MDH1B: variants seen among roughly 807,000 people sequenced by gnomAD.
MDH1B encodes the protein malate dehydrogenase 1B, also known as putative malate dehydrogenase 1B.
MDH1B carries 60 observed loss-of-function variants against 61.4 expected under a neutral mutation model. The observed-to-expected ratio is 0.98, with a 90% CI of 0.79 to 1.21. MDH1B has a LOEUF of 1.21. Ranked by LOEUF, MDH1B falls within the 50% of genes most tolerant of loss-of-function variation. The pLI is 0.00. For missense variants in MDH1B, 587 were observed against 632.1 expected (o/e 0.93, Z 0.76); for synonymous variants, 236 against 218.7 (o/e 1.08, Z -0.70).
intron 9 of MDH1B, chr2:206,741,415 T>G (rs1470555858): frequency 2.7e-6 from 1 of 369,512 alleles, no homozygotes; most frequent in Non-Finnish European, 5.2e-6. Flanking sequence ...AATTAACATT[T>G]GAGTCAGTGG....
Position 206,755,113 on chromosome 2 carries a change from A to G in MDH1B, c.806T>C (p.Met269Thr), listed in dbSNP as rs115158456. The change falls in exon 5 of 12, where the codon ATG becomes ACG. Residue 269 changes from methionine to threonine, a missense_variant. Met to Thr is a moderately conservative substitution (Grantham distance 81). Coordinates refer to ENST00000374412, the MANE Select transcript of MDH1B (RefSeq NM_001039845.3). Reference sequence around the variant, plus strand: ...GTGTGCAATGCGTGGGGCATATCTCATGAGTAAAACTGTCTTCAGGTTTAC... The same window carrying G: ...GTGTGCAATGCGTGGGGCATATCTCGTGAGTAAAACTGTCTTCAGGTTTAC... Reference protein sequence around the residue: ...TFVNLKTVLLMRYAPRIAHNI... With the variant: ...TFVNLKTVLLTRYAPRIAHNI... 1.0e-4 allele frequency: 161 copies of G among 1,613,872 alleles called. No individual in the cohort carries two copies. In the African/African-American group the frequency reaches 1.3e-3, roughly 13 times the overall value.
chr2:206,756,784 C>A, intron 4 of MDH1B, 114 bp downstream of exon 4: 2 of 1,168,326 alleles, frequency 1.7e-6, no homozygotes, highest in Middle Eastern at 2.0e-4. Context: ...TACATACACA[C>A]AAATTTCAAA....
intron 1 of MDH1B, among the ~76,000 whole-genome samples, chr2:206,761,778 T>C (rs1574652272): frequency 6.6e-6 from 1 of 152,062 alleles, no homozygotes; most frequent in East Asian, 1.9e-4. Flanking sequence ...TGGGGAAAAA[T>C]GCAGAGCCCT....
At chr2:206,757,658 A>T (rs1688839845) in intron 2 of MDH1B, among the ~76,000 whole-genome samples, 1 of 152,220 alleles carries the variant, frequency 6.6e-6, no homozygotes, top group African/African-American at 2.4e-5. Context: ...TTTAGCTTAA[A>T]GAGAGGTCAC....
At chr2:206,742,891 AT>A (rs1687893719) in intron 9 of MDH1B, among the ~76,000 whole-genome samples, 1 of 151,470 alleles carries the variant, frequency 6.6e-6, no homozygotes, top group African/African-American at 2.4e-5. Context: ...TTGTTTTTGT[AT>A]TTTTAGTAGA....
intron 5 of MDH1B, among the ~76,000 whole-genome samples, chr2:206,752,711 C>T (rs2105936998): frequency 6.6e-6 from 1 of 151,994 alleles, no homozygotes; most frequent in East Asian, 1.9e-4. Flanking sequence ...CCCTTGATAG[C>T]TCTAAACATC....
Position 206,761,025 on chromosome 2 carries a change from C to A in MDH1B, c.23-12G>T. ...ACAATCTGCTCTACCTAAAAGAGTTCAAATTAGCAATGTTTTCTTTCATCA... is the reference window on the plus strand; with the variant it reads ...ACAATCTGCTCTACCTAAAAGAGTTAAAATTAGCAATGTTTTCTTTCATCA... On this transcript the variant is annotated splice_polypyrimidine_tract_variant and intron_variant, in intron 1 of 11. Transcript: ENST00000374412. 10 of 1,387,510 alleles carry A rather than the reference C, an allele frequency of 7.2e-6. No homozygotes were observed. The highest frequency in any genetic ancestry group is 1.0e-5 in the Non-Finnish European group (10 of 987,016). The allele number at this position is 1,387,510 out of a possible 1,614,324, so 85.9% of individuals were successfully genotyped here.
At position 206,748,160 on chromosome 2, in the gene MDH1B, C is replaced by T. The variant is rs960008850; in HGVS notation, c.1216+860G>A. Among the ~76,000 whole-genome samples, 28 of 152,316 alleles carry T rather than the reference C, an allele frequency of 1.8e-4. No homozygotes were observed. The South Asian group carries it at 3.1e-3, about 17-fold the overall frequency. ...CTTTGGGAGGCCAAGGCAGGTAGATCACAAGGTCAGGAGATCGAGACCATT... is the reference window on the plus strand; with the variant it reads ...CTTTGGGAGGCCAAGGCAGGTAGATTACAAGGTCAGGAGATCGAGACCATT... On this transcript the variant is annotated intron_variant, in intron 7 of 11. Transcript: ENST00000374412.
intron 7 of MDH1B, among the ~76,000 whole-genome samples, chr2:206,747,825 TATAAC>T (rs72339164): frequency 0.12 from 18,668 of 152,104 alleles, 1,659 homozygotes; most frequent in African/African-American, 0.26. Flanking sequence ...TGGTTCTACT[TATAAC>T]ATAAAGAATA....
chr2:206,746,119 A>G (rs1574626674), intron 8 of MDH1B, among the ~76,000 whole-genome samples, 168 bp downstream of exon 8: 1 of 152,202 alleles, frequency 6.6e-6, no homozygotes, highest in Admixed American at 6.5e-5. Context: ...GTATAACTAA[A>G]TGAGTAGTGT....
At chr2:206,743,432 C>T (rs1043081778) in intron 9 of MDH1B, among the ~76,000 whole-genome samples, 5 of 152,272 alleles carry the variant, frequency 3.3e-5, no homozygotes, top group African/African-American at 1.2e-4. Flanking sequence ...CTGTCAGTTG[C>T]TCCTGTTCTA....
At chr2:206,745,456 G>T in intron 9 of MDH1B, 166 bp downstream of exon 9, 1 of 654,812 alleles carries the variant, frequency 1.5e-6, no homozygotes, top group Non-Finnish European at 2.8e-6. Flanking sequence ...CTTATGAGAT[G>T]TTTTATTTCA....
intron 1 of MDH1B, among the ~76,000 whole-genome samples, chr2:206,763,028 A>G (rs1166361189): frequency 6.6e-6 from 1 of 151,716 alleles, no homozygotes; most frequent in African/African-American, 2.4e-5. Flanking sequence ...GTAGCAATCT[A>G]TATTTCCAGC....
In MDH1B at chr2:206,765,274, T is replaced by C. The variant is rs1240554232; in HGVS notation, c.-3A>G. ...CCCGCGATGACGAATTTGGCCATGG[T>C]CGAGAGAGACTCAGAGGCAGGGACC... On this transcript the variant is annotated 5_prime_UTR_variant, in exon 1 of 12. Coordinates refer to ENST00000374412, the MANE Select transcript of MDH1B (RefSeq NM_001039845.3). 6.2e-7 allele frequency: 1 copy of C among 1,601,384 alleles called. No homozygotes were observed. The highest frequency in any genetic ancestry group is 8.5e-7 in the Non-Finnish European group (1 of 1,176,042).
chr2:206,738,537 CATA>C (rs1687616652), intron 11 of MDH1B, 26 bp from the exon 12 acceptor site: 1 of 1,558,972 alleles, frequency 6.4e-7, no homozygotes, highest in Non-Finnish European at 8.8e-7. Flanking sequence ...AATGAAAAGA[CATA>C]ACTATTTCCA....
At position 206,751,073 on chromosome 2, in the gene MDH1B, T is replaced by C. The variant is rs1234721564; in HGVS notation, c.913A>G (p.Ile305Val). The change falls in exon 6 of 12, where the codon ATT becomes GTT. Residue 305 changes from isoleucine (I) to valine (V), a missense_variant and splice_region_variant. Ile to Val is a conservative substitution (Grantham distance 29, BLOSUM62 3). Coordinates refer to ENST00000374412, the MANE Select transcript of MDH1B (RefSeq NM_001039845.3). ...ARKLKTAPSY[I>V]KDVIIWGNIS... ...TTACCCCAAATGATCACGTCTTTAA[T>C]GTCTGTGAAGAATAGAAAGTTTAGA... 3 of 1,566,422 alleles carry C rather than the reference T, an allele frequency of 1.9e-6. No individual in the cohort carries two copies. Among genetic ancestry groups the C allele is most frequent in the African/African-American group, 1.4e-5 (1 of 73,482 alleles).
chr2:206,741,411 C>T (rs934172003), intron 9 of MDH1B: 3 of 372,416 alleles, frequency 8.1e-6, no homozygotes, highest in South Asian at 2.3e-5. Flanking sequence ...AGGAAATTAA[C>T]ATTTGAGTCA....
rs1862087 is a variant in MDH1B at position 206,760,843 on chromosome 2, T to A, written c.135+58A>T. 40 of 979,640 alleles carry A rather than the reference T, an allele frequency of 4.1e-5. No homozygotes were observed. In the East Asian group the frequency reaches 9.4e-4, roughly 23 times the overall value. 60.7% of individuals were successfully genotyped at this position (979,640 alleles called of 1,614,324 possible). On this transcript the variant is annotated intron_variant, in intron 2 of 11. Transcript: ENST00000374412. The stretch of plus-strand genomic sequence containing the variant: ...GTCTAATACACCAGTTAATATTTAA[T>A]CAAATTAAAACACATTTTGTGCATG...
At chr2:206,751,143 T>A in intron 5 of MDH1B, 68 bp from the exon 6 acceptor site, 1 of 1,173,954 alleles carries the variant, frequency 8.5e-7, no homozygotes, top group Non-Finnish European at 1.2e-6. Context: ...GCCTGAAGCC[T>A]ATTTTTTGTT....
Sources: gnomAD v4.1 joint callset for allele counts (sites outside exome capture counted in the v4.1 genomes callset) on GRCh38, gnomAD v4.1.1 for gene constraint, MANE v1.5 for transcripts, NCBI Gene and HGNC (gene_info 2026-07-23, HGNC 2026-07-21) for gene names.